ARNT2: variants seen among roughly 807,000 people sequenced by gnomAD.
The protein encoded by ARNT2 is ARNT protein 2.
In ARNT2, 36 loss-of-function variants were observed where a neutral mutation model predicts 91.7. The ratio of observed to expected loss-of-function variants is 0.39; its 90% CI spans 0.30 to 0.52. The LOEUF (loss-of-function observed/expected upper bound fraction) is 0.52, where lower values mean the gene tolerates loss of function less well. Ranked by LOEUF, ARNT2 falls within the 20% of genes least tolerant of loss-of-function variation. ARNT2 has a pLI of 0.72. For missense variants in ARNT2, 775 were observed against 939.3 expected, an observed-to-expected ratio of 0.83 and a Z score of 2.29; for synonymous variants, 365 against 347.1, an observed-to-expected ratio of 1.05 and a Z score of -0.57.
chr15:80,566,916 T>G (rs535724080), intron 12 of ARNT2, among the ~76,000 whole-genome samples: 1 of 152,260 alleles, frequency 6.6e-6, no homozygotes, highest in Non-Finnish European at 1.5e-5. Flanking sequence ...CTATTTTCTA[T>G]TCTGATTTTA....
intron 4 of ARNT2, 73 bp from the exon 5 acceptor site, chr15:80,474,937 C>A: frequency 6.8e-7 from 1 of 1,467,770 alleles, no homozygotes; most frequent in Non-Finnish European, 9.4e-7. Context: ...TTGAAGGCTG[C>A]TTTCCCAATA....
intron 17 of ARNT2, among the ~76,000 whole-genome samples, chr15:80,583,717 C>T (rs1401130080): frequency 1.3e-5 from 2 of 152,212 alleles, no homozygotes; most frequent in Non-Finnish European, 2.9e-5. Flanking sequence ...CCCAGGCTAA[C>T]TTACTATAGC....
At chr15:80,407,288 C>T (rs898863772) in intron 1 of ARNT2, among the ~76,000 whole-genome samples, 5 of 152,214 alleles carry the variant, frequency 3.3e-5, no homozygotes, top group African/African-American at 1.2e-4. Flanking sequence ...TTTACAATGA[C>T]ACTCTTCTGT....
intron 5 of ARNT2, among the ~76,000 whole-genome samples, chr15:80,506,062 G>A (rs1361059523): frequency 2.0e-5 from 3 of 150,404 alleles, no homozygotes; most frequent in South Asian, 2.1e-4. Flanking sequence ...TCAGCCTCCC[G>A]AGTAGCTGGG....
intron 8 of ARNT2, among the ~76,000 whole-genome samples, chr15:80,521,454 C>T (rs1426780015): frequency 2.6e-5 from 4 of 151,760 alleles, no homozygotes; most frequent in South Asian, 2.1e-4. Context: ...AAGCAAATAC[C>T]GATAGTGTAT....
chr15:80,469,992 G>T (rs1896710450), intron 3 of ARNT2, among the ~76,000 whole-genome samples: 1 of 152,122 alleles, frequency 6.6e-6, no homozygotes, highest in Non-Finnish European at 1.5e-5. Context: ...TATGTATTTA[G>T]AGATTGAGAC....
intron 2 of ARNT2, among the ~76,000 whole-genome samples, chr15:80,454,279 T>C (rs1362250714): frequency 6.6e-6 from 1 of 152,006 alleles, no homozygotes; most frequent in Non-Finnish European, 1.5e-5. Context: ...GCAAATTCAG[T>C]TGGGGGAAGC....
rs193117201 is a variant in ARNT2 at position 80,452,901 on chromosome 15, C to T, written c.146+1907C>T. Among the ~76,000 whole-genome samples the T allele has an allele frequency of 1.1e-3, 175 of 152,294 alleles. 1 individual carries two copies. Among genetic ancestry groups the T allele is most frequent in the African/African-American group, 4.0e-3 (166 of 41,568 alleles). On this transcript the variant is annotated intron_variant, in intron 2 of 18. Transcript: ENST00000303329. ...CCACACCCTGATTTGTGGTTGCTCC[C>T]CGAGCTGATGATTTGACTGGGGACC...
chr15:80,520,715 C>T (rs1897530246), intron 8 of ARNT2, among the ~76,000 whole-genome samples: 1 of 152,022 alleles, frequency 6.6e-6, no homozygotes, highest in African/African-American at 2.4e-5. Context: ...TAATTAGGTA[C>T]AGTTTTTCAT....
At chr15:80,490,049 T>G (rs1392861810) in intron 5 of ARNT2, among the ~76,000 whole-genome samples, 1 of 152,136 alleles carries the variant, frequency 6.6e-6, no homozygotes, top group East Asian at 1.9e-4. Context: ...TGGGAGGTAT[T>G]CTCAGTCCCT....
At chr15:80,469,358 G>A (rs1896701946) in intron 3 of ARNT2, among the ~76,000 whole-genome samples, 1 of 152,004 alleles carries the variant, frequency 6.6e-6, no homozygotes, top group Admixed American at 6.6e-5. Context: ...TTGTTACTAT[G>A]CTGCAGAAAA....
intron 1 of ARNT2, among the ~76,000 whole-genome samples, chr15:80,406,966 A>G (rs1053977231): frequency 6.6e-6 from 1 of 152,176 alleles, no homozygotes; most frequent in Non-Finnish European, 1.5e-5. Flanking sequence ...TGAGCCAAAG[A>G]GAGAGAGTTC....
At chr15:80,485,275 T>C (rs1390483533) in intron 5 of ARNT2, among the ~76,000 whole-genome samples, 1 of 152,168 alleles carries the variant, frequency 6.6e-6, no homozygotes, top group Non-Finnish European at 1.5e-5. Flanking sequence ...TGCTTGAGAA[T>C]CCCCATTGCA....
At chr15:80,537,416 T>C (rs920228730) in intron 8 of ARNT2, among the ~76,000 whole-genome samples, 4 of 152,188 alleles carry the variant, frequency 2.6e-5, no homozygotes, top group Admixed American at 2.6e-4. Context: ...TTTACCAATA[T>C]CACTACTTAA....
In ARNT2 at chr15:80,591,732, T is replaced by C; in HGVS notation, c.2055+28T>C. 6.2e-7 allele frequency: 1 copy of C among 1,613,068 alleles called. No individual in the cohort carries two copies. ...AAATCGAGCGAGCACCGCCTTCTCG[T>C]AGGTACCGGCGCCTTCTCTCTGCTT... On this transcript the variant is annotated intron_variant, in intron 18 of 18. Transcript: ENST00000303329. The surrounding 1 kb of genome is among the most constrained non-coding windows in gnomAD (Gnocchi z 5.1).
chr15:80,431,075 G>T (rs1350226935), intron 1 of ARNT2, among the ~76,000 whole-genome samples: 2 of 151,984 alleles, frequency 1.3e-5, no homozygotes, highest in African/African-American at 4.8e-5. Context: ...ACAAAGCAAT[G>T]GACACCGCTC....
intron 14 of ARNT2, 73 bp downstream of exon 14, chr15:80,575,183 T>A: frequency 6.3e-7 from 1 of 1,575,540 alleles, no homozygotes; most frequent in Middle Eastern, 1.7e-4. Flanking sequence ...TACAGACAGC[T>A]ACTCTTAGTA....
At position 80,563,110 on chromosome 15, in the gene ARNT2, T is replaced by C. The variant is rs748273741; in HGVS notation, c.1187T>C (p.Val396Ala). ...FQQVVKLKGQVLSVMYRFRTK... is the reference protein window; with the variant it reads ...FQQVVKLKGQALSVMYRFRTK... ...CAGGTGGTTAAGCTGAAAGGCCAAG[T>C]CCTGTCGGTCATGTATCGATTTCGC... Residue 396 changes from valine (V) to alanine (A), a missense_variant, in exon 12 of 19, where the codon GTC becomes GCC. This residue lies in a region of ARNT2 where 285 missense variants were observed against 327.2 expected (regional missense o/e 0.87). Transcript: ENST00000303329. 6.2e-7 allele frequency: 1 copy of C among 1,614,180 alleles called. No homozygotes were observed. The highest frequency in any genetic ancestry group is 1.7e-5 in the Admixed American group (1 of 60,018).
At chr15:80,515,750 A>C (rs978221406) in intron 8 of ARNT2, among the ~76,000 whole-genome samples, 5 of 151,560 alleles carry the variant, frequency 3.3e-5, no homozygotes, top group African/African-American at 1.2e-4. Flanking sequence ...AAAAAAAAAA[A>C]TACAATGTTA....
Sources: gnomAD v4.1 joint callset for allele counts (sites outside exome capture counted in the v4.1 genomes callset) on GRCh38, gnomAD v4.1.1 for gene constraint, gnomAD v4.1.1 regional missense constraint, Gnocchi (gnomAD v3.1) non-coding constraint, MANE v1.5 for transcripts, NCBI Gene and HGNC (gene_info 2026-07-23, HGNC 2026-07-21) for gene names.